The following GASK1A variants were observed in gnomAD, a reference collection of about 807,000 sequenced individuals.
GASK1A encodes the protein Golgi-associated kinase 1A.
Under a neutral mutation model 41.2 loss-of-function variants are expected in GASK1A, and 40 were observed. That is an observed-to-expected ratio of 0.97 (90% CI 0.75 to 1.27). GASK1A has a LOEUF of 1.27. GASK1A is among the 50% of genes most tolerant of loss of function. The pLI is 0.00. For missense variants in GASK1A, 678 were observed against 745.1 expected (o/e 0.91, Z 1.05); for synonymous variants, 316 against 307.1 (o/e 1.03, Z -0.30).
At chr3:43,028,890 T>G (rs2089561025) in intron 1 of GASK1A, among the ~76,000 whole-genome samples, 1 of 150,880 alleles carries the variant, frequency 6.6e-6, no homozygotes, top group African/African-American at 2.4e-5. Flanking sequence ...GCCCCACCCC[T>G]TCTGCTTGCT....
At chr3:43,016,214 CAGGT>C (rs1304726699) in intron 1 of GASK1A, among the ~76,000 whole-genome samples, 1 of 151,418 alleles carries the variant, frequency 6.6e-6, no homozygotes, top group Non-Finnish European at 1.5e-5. Context: ...TGTGAAGTCT[CAGGT>C]AGAGGCTGTG....
At chr3:43,052,169 G>A (rs2089694412) in intron 2 of GASK1A, among the ~76,000 whole-genome samples, 1 of 152,216 alleles carries the variant, frequency 6.6e-6, no homozygotes, top group Non-Finnish European at 1.5e-5. Context: ...CTAGGATTTG[G>A]ACAAATCCCA....
At chr3:43,024,320 G>A (rs1015154266) in intron 1 of GASK1A, among the ~76,000 whole-genome samples, 1 of 152,200 alleles carries the variant, frequency 6.6e-6, no homozygotes, top group Admixed American at 6.5e-5. Flanking sequence ...TGCTCATTCC[G>A]TACTGTGAAA....
intron 1 of GASK1A, among the ~76,000 whole-genome samples, chr3:42,981,982 A>C (rs1188348674): frequency 6.6e-6 from 1 of 152,196 alleles, no homozygotes; most frequent in African/African-American, 2.4e-5. Flanking sequence ...TATTGATCCA[A>C]GATACGTATG....
chr3:43,014,948 G>T (rs2089482455), intron 1 of GASK1A, among the ~76,000 whole-genome samples: 1 of 151,234 alleles, frequency 6.6e-6, no homozygotes, highest in African/African-American at 2.4e-5. Flanking sequence ...GAAGGGGCTT[G>T]TGTGGTCACA....
At chr3:43,023,218 G>A (rs1415916586) in intron 1 of GASK1A, among the ~76,000 whole-genome samples, 3 of 152,130 alleles carry the variant, frequency 2.0e-5, no homozygotes, top group East Asian at 3.9e-4. Flanking sequence ...CCATGGAGGC[G>A]GAGACTGGAG....
chr3:42,992,753 A>G (rs905074816), intron 1 of GASK1A, among the ~76,000 whole-genome samples: 6 of 152,250 alleles, frequency 3.9e-5, no homozygotes, highest in Non-Finnish European at 7.3e-5. Flanking sequence ...TAAAAACTTC[A>G]GCCGAATTAA....
Position 42,984,267 on chromosome 3 carries a change from C to T in GASK1A, c.3+4622C>T, listed in dbSNP as rs1329071577. Among the ~76,000 whole-genome samples the T allele has an allele frequency of 1.3e-5, 2 of 151,580 alleles. No homozygotes were observed. Among genetic ancestry groups the T allele is most frequent in the African/African-American group, 4.8e-5 (2 of 41,268 alleles). On this transcript the variant is annotated intron_variant, in intron 1 of 4. Transcript: ENST00000430121. This position sits in a 1 kb window ranked among gnomAD's most constrained non-coding sequence, Gnocchi z 4.2. ...CCATGATTGTGGGAAAATCCCAGGCCGCCCTTCTTTATGTGGATTTCACTT... is the reference window on the plus strand; with the variant it reads ...CCATGATTGTGGGAAAATCCCAGGCTGCCCTTCTTTATGTGGATTTCACTT...
At position 43,039,038 on chromosome 3, in the gene GASK1A, CTT is replaced by C. The variant is rs58111345; in HGVS notation, c.1290+5498_1290+5499del. On this transcript the variant is annotated intron_variant, in intron 2 of 4. Coordinates refer to ENST00000430121, the MANE Select transcript of GASK1A (RefSeq NM_001129908.3). The stretch of plus-strand genomic sequence containing the variant: ...AAAAAAAAGAAAGTACCTCTTTTGA[CTT>C]TTTTTTTTTTTTGGTTTCATCTTAG... 1.0e-3 allele frequency among the ~76,000 whole-genome samples: 144 copies of C among 142,766 alleles called. No individual in the cohort carries two copies. The Middle Eastern group carries it at 0.011, about 11-fold the overall frequency. 93.7% of individuals were successfully genotyped at this position (142,766 alleles called of 152,430 possible). A position where few individuals can be genotyped will look rare whatever the true frequency, so the allele number is the denominator to read the frequency against.
intron 1 of GASK1A, among the ~76,000 whole-genome samples, chr3:43,012,944 A>G (rs934156453): frequency 5.9e-5 from 9 of 151,934 alleles, no homozygotes; most frequent in African/African-American, 2.2e-4. Flanking sequence ...GTGTGAAGCC[A>G]CAGGAAGGGG....
chr3:43,054,737 A>C (rs1401157078), intron 3 of GASK1A, among the ~76,000 whole-genome samples: 1 of 152,210 alleles, frequency 6.6e-6, no homozygotes, highest in East Asian at 1.9e-4. Flanking sequence ...CATATTCTTT[A>C]AGGTACTAAA....
At chr3:42,996,325 CACCTCATGTAA>C (rs1036797190) in intron 1 of GASK1A, among the ~76,000 whole-genome samples, 1 of 152,224 alleles carries the variant, frequency 6.6e-6, no homozygotes, top group African/African-American at 2.4e-5. Flanking sequence ...TTATCTACAA[CACCTCATGTAA>C]CTCTCATAGT....
At chr3:42,999,014 C>T (rs1022012941) in intron 1 of GASK1A, among the ~76,000 whole-genome samples, 5 of 151,852 alleles carry the variant, frequency 3.3e-5, no homozygotes, top group Admixed American at 2.0e-4. Flanking sequence ...TGTGTGTACA[C>T]GTGTACATAT....
chr3:43,052,288 G>A (rs1026233995), intron 2 of GASK1A, among the ~76,000 whole-genome samples: 10 of 152,084 alleles, frequency 6.6e-5, no homozygotes, highest in Non-Finnish European at 5.9e-5. Flanking sequence ...TCACAAGGGC[G>A]GCAGCTTCAC....
chr3:43,043,810 C>A (rs977456145), intron 2 of GASK1A, among the ~76,000 whole-genome samples: 1 of 151,696 alleles, frequency 6.6e-6, no homozygotes, highest in Non-Finnish European at 1.5e-5. Context: ...TTCATTTTTT[C>A]AAAAAGGGGA....
intron 1 of GASK1A, among the ~76,000 whole-genome samples, chr3:43,029,945 C>T (rs1387964481): frequency 6.6e-6 from 1 of 152,124 alleles, no homozygotes; most frequent in African/African-American, 2.4e-5. Flanking sequence ...CAGGCCATGC[C>T]GTTGGAAGGA....
At chr3:42,981,245 C>T (rs1179769929) in intron 1 of GASK1A, among the ~76,000 whole-genome samples, 1 of 152,150 alleles carries the variant, frequency 6.6e-6, no homozygotes, top group Non-Finnish European at 1.5e-5. Context: ...GATGGTCATC[C>T]TCTGGCAGTG....
At chr3:43,032,027 G>T (rs918575925) in intron 1 of GASK1A, among the ~76,000 whole-genome samples, 1 of 152,226 alleles carries the variant, frequency 6.6e-6, no homozygotes, top group Admixed American at 6.5e-5. Flanking sequence ...GCATGGGTCT[G>T]CAGGCCTCAG....
Position 42,979,545 on chromosome 3 carries a change from C to T in GASK1A, c.-98C>T, listed in dbSNP as rs2089268943. 1 of 1,208,834 alleles carries T rather than the reference C, an allele frequency of 8.3e-7. No individual in the cohort carries two copies. The highest frequency in any genetic ancestry group is 1.6e-5 in the African/African-American group (1 of 63,898). 74.9% of individuals were successfully genotyped at this position (1,208,834 alleles called of 1,614,324 possible). A position where few individuals can be genotyped will look rare whatever the true frequency, so the allele number is the denominator to read the frequency against. The stretch of plus-strand genomic sequence containing the variant: ...CGAGTAGCCGCGCATCCTGGGAAGC[C>T]TGGCGAGCCACGGCGCCGGGGGCGG... On this transcript the variant is annotated 5_prime_UTR_variant, in exon 1 of 5. Coordinates refer to ENST00000430121, the MANE Select transcript of GASK1A (RefSeq NM_001129908.3).
Sources: allele counts gnomAD v4.1 joint callset (sites outside exome capture counted in the v4.1 genomes callset), GRCh38; gene constraint gnomAD v4.1.1; non-coding constraint Gnocchi (gnomAD v3.1); transcripts MANE v1.5; gene names NCBI Gene and HGNC (gene_info 2026-07-23, HGNC 2026-07-21).